RAB1A: variants seen among roughly 807,000 people sequenced by gnomAD.
The protein encoded by RAB1A is RAB1A, member RAS oncogene family, also known as ras-related protein Rab-1A.
RAB1A carries 2 observed loss-of-function variants against 26.0 expected under a neutral mutation model. The ratio of observed to expected loss-of-function variants is 0.08; its 90% CI spans 0.03 to 0.24. RAB1A has a LOEUF of 0.24. RAB1A is among the 10% of genes least tolerant of loss of function. The pLI is 1.00. For synonymous variants in RAB1A, 84 were observed against 84.9 expected (o/e 0.99, Z 0.06); for missense variants, 100 against 247.0 (o/e 0.40, Z 3.99).
At chr2:65,111,702 C>T (rs563231696) in intron 1 of RAB1A, among the ~76,000 whole-genome samples, 8 of 152,312 alleles carry the variant, frequency 5.3e-5, no homozygotes, top group Non-Finnish European at 8.8e-5. Context: ...GAAGGGTATA[C>T]AAGAACTCCA....
At chr2:65,129,198 T>TAAAA (rs373295500) in intron 1 of RAB1A, among the ~76,000 whole-genome samples, 2 of 134,414 alleles carry the variant, frequency 1.5e-5, no homozygotes, top group South Asian at 4.7e-4. Flanking sequence ...GTGTCCTCTT[T>TAAAA]AAAAAAAAAA....
intron 3 of RAB1A, 24 bp from the exon 4 acceptor site, chr2:65,091,102 C>G: frequency 1.3e-6 from 2 of 1,556,286 alleles, no homozygotes; most frequent in Non-Finnish European, 1.8e-6. Flanking sequence ...ATCAAGAAAT[C>G]CAAACAATTC....
intron 3 of RAB1A, among the ~76,000 whole-genome samples, chr2:65,094,381 T>C (rs1013936936): frequency 6.6e-6 from 1 of 152,124 alleles, no homozygotes; most frequent in Non-Finnish European, 1.5e-5. Flanking sequence ...GGTCGGGAGT[T>C]CGAGACCAGC....
At chr2:65,088,822 C>G (rs970253491) in intron 5 of RAB1A, 117 bp downstream of exon 5, 2 of 1,331,092 alleles carry the variant, frequency 1.5e-6, no homozygotes, top group South Asian at 3.0e-5. Flanking sequence ...CAAATTGTCA[C>G]TGTCACAGTA....
chr2:65,117,462 T>G (rs138470214), intron 1 of RAB1A, among the ~76,000 whole-genome samples: 4,866 of 152,228 alleles, frequency 0.032, 274 homozygotes, highest in African/African-American at 0.11. Flanking sequence ...CCTCCCAAAG[T>G]GCTGGGATTA....
chr2:65,127,786 T>A (rs1670133586), intron 1 of RAB1A, among the ~76,000 whole-genome samples: 1 of 152,032 alleles, frequency 6.6e-6, no homozygotes, highest in Non-Finnish European at 1.5e-5. Flanking sequence ...CAGGCTGGAG[T>A]GCAGTGGCCA....
Position 65,088,368 on chromosome 2 carries a change from C to CA in RAB1A, c.*124_*125insT. 1 of 783,002 alleles carries CA rather than the reference C, an allele frequency of 1.3e-6. No homozygotes were observed. The highest frequency in any genetic ancestry group is 1.8e-5 in the African/African-American group (1 of 56,784). 48.5% of individuals were successfully genotyped at this position (783,002 alleles called of 1,614,324 possible). ...AGTATTGACCATTTACAATCTCTGACCTTTGTGGAGACGGTAAGAATCTGT... is the reference window on the plus strand; with the variant it reads ...AGTATTGACCATTTACAATCTCTGACACTTTGTGGAGACGGTAAGAATCTGT... On this transcript the variant is annotated 3_prime_UTR_variant, in exon 6 of 6. Coordinates refer to ENST00000409784, the MANE Select transcript of RAB1A (RefSeq NM_004161.5).
Position 65,088,518 on chromosome 2 carries a change from T to C in RAB1A, c.593A>G (p.Lys198Arg), listed in dbSNP as rs1289205076. ...TTAGCAGCAACCTCCACCTGACTGCTTGACTGGAGTGCTCTGAATTTTAAC... is the reference window on the plus strand; with the variant it reads ...TTAGCAGCAACCTCCACCTGACTGCCTGACTGGAGTGCTCTGAATTTTAAC... ...SNVKIQSTPVKQSGGGCC is the reference protein window; with the variant it reads ...SNVKIQSTPVRQSGGGCC The change falls in exon 6 of 6, where the codon AAG becomes AGG. Residue 198 changes from lysine (K) to arginine (R), a missense_variant. Physicochemically the swap from Lys to Arg is conservative, Grantham distance 26. Transcript: ENST00000409784. 1 of 1,610,702 alleles carries C rather than the reference T, an allele frequency of 6.2e-7. No individual in the cohort carries two copies. Among genetic ancestry groups the C allele is most frequent in the South Asian group, 1.1e-5 (1 of 90,156 alleles).
chr2:65,114,707 C>G (rs190188217), intron 1 of RAB1A, among the ~76,000 whole-genome samples: 5 of 151,906 alleles, frequency 3.3e-5, no homozygotes, highest in African/African-American at 1.2e-4. Flanking sequence ...TAGCCGGGCG[C>G]GGTGGCGGGC....
chr2:65,097,998 T>G lies in RAB1A; in HGVS notation c.165A>C (p.Leu55Phe). 6.3e-7 allele frequency: 1 copy of G among 1,579,322 alleles called. No individual in the cohort carries two copies. The highest frequency in any genetic ancestry group is 1.2e-5 in the South Asian group (1 of 86,170). ...GVDFKIRTIE[L>F]DGKTIKLQIW... The stretch of plus-strand genomic sequence containing the variant: ...TTTGAAGCTTGATTGTTTTCCCGTC[T>G]AACTCTATAGTTCTTATTTTGAAAT... Residue 55 changes from leucine (L) to phenylalanine (F), a missense_variant, in exon 3 of 6, where the codon TTA (leucine) becomes TTC (phenylalanine). Physicochemically the swap from Leu to Phe is conservative, Grantham distance 22. Around this residue, in one of 2 missense-constraint regions of RAB1A, gnomAD observed 33 missense variants for 124.2 expected, o/e 0.27. Coordinates refer to ENST00000409784, the MANE Select transcript of RAB1A (RefSeq NM_004161.5).
intron 1 of RAB1A, among the ~76,000 whole-genome samples, chr2:65,112,147 A>ATTT (rs371108447): frequency 5.1e-4 from 73 of 142,406 alleles, no homozygotes; most frequent in East Asian, 8.2e-4. Context: ...CTAGCTCATG[A>ATTT]TTTTTTTTTT....
intron 1 of RAB1A, among the ~76,000 whole-genome samples, chr2:65,123,131 T>C (rs927111276): frequency 6.6e-5 from 10 of 151,778 alleles, no homozygotes; most frequent in African/African-American, 9.7e-5. Context: ...CAGATTGCTA[T>C]GGAAGGTGAA....
At chr2:65,096,238 C>T (rs1669280693) in intron 3 of RAB1A, among the ~76,000 whole-genome samples, 1 of 152,060 alleles carries the variant, frequency 6.6e-6, no homozygotes, top group East Asian at 1.9e-4. Context: ...TCACTTGAAC[C>T]CAGGAGGCGG....
intron 1 of RAB1A, among the ~76,000 whole-genome samples, chr2:65,110,698 C>G (rs193267790): frequency 6.6e-6 from 1 of 152,020 alleles, no homozygotes; most frequent in African/African-American, 2.4e-5. Context: ...ACTTGTAAGG[C>G]TGAGGTAGAA....
intron 1 of RAB1A, among the ~76,000 whole-genome samples, chr2:65,116,471 T>C (rs1669829107): frequency 6.6e-6 from 1 of 152,168 alleles, no homozygotes; most frequent in African/African-American, 2.4e-5. Flanking sequence ...AATTTCCTCA[T>C]CTATAAGGTT....
chr2:65,112,086 AAAAAC>A (rs1049335899), intron 1 of RAB1A, among the ~76,000 whole-genome samples: 5 of 152,298 alleles, frequency 3.3e-5, no homozygotes, highest in Admixed American at 6.5e-5. Flanking sequence ...CCATCTCAAA[AAAAAC>A]AAAACAAAAC....
intron 1 of RAB1A, among the ~76,000 whole-genome samples, chr2:65,114,889 C>T (rs527770392): frequency 7.9e-5 from 12 of 151,808 alleles, no homozygotes; most frequent in African/African-American, 2.7e-4. Flanking sequence ...TTTAAGGATG[C>T]AGAGCCTAAT....
intron 3 of RAB1A, among the ~76,000 whole-genome samples, chr2:65,091,364 A>T (rs1669167307): frequency 6.6e-6 from 1 of 152,222 alleles, no homozygotes; most frequent in Admixed American, 6.5e-5. Context: ...ACCGCCTTTA[A>T]CACTGTGTTT....
intron 4 of RAB1A, 99 bp from the exon 5 acceptor site, chr2:65,089,169 C>T (rs1669108627): frequency 8.7e-7 from 1 of 1,152,162 alleles, no homozygotes; most frequent in South Asian, 1.5e-5. Context: ...TAACAAAGAG[C>T]TAGTGAGACA....
Sources: gnomAD v4.1 joint callset for allele counts (sites outside exome capture counted in the v4.1 genomes callset) on GRCh38, gnomAD v4.1.1 for gene constraint, gnomAD v4.1.1 regional missense constraint, MANE v1.5 for transcripts, NCBI Gene and HGNC (gene_info 2026-07-23, HGNC 2026-07-21) for gene names.